ADGRL2: variants seen among roughly 807,000 people sequenced by gnomAD.
ADGRL2 encodes the protein calcium-independent alpha-latrotoxin receptor 2.
In ADGRL2, 44 loss-of-function variants were observed where a neutral mutation model predicts 157.4. The ratio of observed to expected loss-of-function variants is 0.28; its 90% CI spans 0.22 to 0.36. The LOEUF (loss-of-function observed/expected upper bound fraction) is 0.36. Ranked by LOEUF, ADGRL2 falls within the 10% of genes least tolerant of loss-of-function variation. The pLI, the probability that ADGRL2 is intolerant of heterozygous loss-of-function variation, is 1.00. For synonymous variants in ADGRL2, 585 were observed against 624.7 expected (o/e 0.94, Z 0.95); for missense variants, 1,510 against 1,768.9 (o/e 0.85, Z 2.63).
At chr1:81,415,481 A>C (rs2077016784) in intron 1 of ADGRL2, among the ~76,000 whole-genome samples, 1 of 152,210 alleles carries the variant, frequency 6.6e-6, no homozygotes, top group African/African-American at 2.4e-5. Context: ...ATAGTGGGGA[A>C]GAGAGGGGTC....
At chr1:81,334,172 T>C (rs566175220) in intron 1 of ADGRL2, among the ~76,000 whole-genome samples, 23 of 152,354 alleles carry the variant, frequency 1.5e-4, no homozygotes, top group African/African-American at 5.3e-4. Context: ...TGAAACCAGC[T>C]AGACTGTGTT....
At chr1:81,827,018 T>G (rs2150006516) in intron 1 of ADGRL2, among the ~76,000 whole-genome samples, 1 of 141,834 alleles carries the variant, frequency 7.1e-6, no homozygotes, top group South Asian at 2.4e-4. Context: ...AACAGTAGAC[T>G]TATGAAAAAT....
intron 1 of ADGRL2, among the ~76,000 whole-genome samples, chr1:81,399,188 G>C (rs1002971106): frequency 1.3e-5 from 2 of 152,108 alleles, no homozygotes; most frequent in Non-Finnish European, 2.9e-5. Flanking sequence ...GATCTCATGA[G>C]AACTTACTCA....
intron 4 of ADGRL2, among the ~76,000 whole-genome samples, 195 bp from the exon 5 acceptor site, chr1:81,941,839 T>C (rs544642031): frequency 6.6e-6 from 1 of 152,026 alleles, no homozygotes; most frequent in African/African-American, 2.4e-5. Flanking sequence ...TTCTTTTATG[T>C]AACTTTAGAA....
intron 2 of ADGRL2, among the ~76,000 whole-genome samples, chr1:81,858,345 A>G (rs2093275365): frequency 6.6e-6 from 1 of 152,198 alleles, no homozygotes; most frequent in Admixed American, 6.5e-5. Context: ...TGATTTATTC[A>G]TGAAGTCATT....
chr1:81,374,432 C>A (rs532532884), intron 1 of ADGRL2, among the ~76,000 whole-genome samples: 1 of 152,056 alleles, frequency 6.6e-6, no homozygotes, highest in Admixed American at 6.6e-5. Flanking sequence ...ATTAGCCGGA[C>A]GTGGTGGCGG....
At chr1:81,979,617 G>GT (rs1661097447) in intron 17 of ADGRL2, among the ~76,000 whole-genome samples, 1 of 145,196 alleles carries the variant, frequency 6.9e-6, no homozygotes, top group Admixed American at 7.1e-5. Flanking sequence ...ACTAATTTAG[G>GT]TTTTCTAATT....
intron 6 of ADGRL2, among the ~76,000 whole-genome samples, chr1:81,944,705 A>G (rs1010671128): frequency 4.6e-5 from 7 of 152,006 alleles, no homozygotes; most frequent in Admixed American, 6.6e-5. Context: ...AATTTTAGGA[A>G]CTAGAAAGTT....
At chr1:81,383,262 A>G (rs2076373978) in intron 1 of ADGRL2, among the ~76,000 whole-genome samples, 1 of 152,314 alleles carries the variant, frequency 6.6e-6, no homozygotes, top group South Asian at 2.1e-4. Flanking sequence ...TATAAAAGTG[A>G]TAGACCTGAG....
chr1:81,641,348 T>G (rs1166390531), intron 3 of ADGRL2, among the ~76,000 whole-genome samples: 1 of 152,194 alleles, frequency 6.6e-6, no homozygotes, highest in Non-Finnish European at 1.5e-5. Context: ...TAAGCTACTT[T>G]ATCCATCAAT....
At chr1:81,647,527 G>A (rs1026672568) in intron 3 of ADGRL2, among the ~76,000 whole-genome samples, 13 of 151,990 alleles carry the variant, frequency 8.6e-5, no homozygotes, top group African/African-American at 1.2e-4. Flanking sequence ...AATTACCTTC[G>A]GGTAATTTTA....
chr1:81,951,289 A>G (rs1651722152), intron 8 of ADGRL2, among the ~76,000 whole-genome samples, 168 bp downstream of exon 8: 3 of 152,180 alleles, frequency 2.0e-5, no homozygotes, highest in African/African-American at 4.8e-5. Flanking sequence ...TGAAAGTTAC[A>G]TATGTTTGGG....
rs1369418692 is a variant in ADGRL2 at position 81,990,563 on chromosome 1, A to G, written c.3828A>G (p.Glu1276=). Residue 1276 remains glutamate (E), a synonymous_variant, in exon 24 of 24, where the codon GAA becomes GAG. Coordinates refer to ENST00000686636, the MANE Select transcript of ADGRL2 (RefSeq NM_001366006.2). ...DTAFEKMIIS[E]LVHNNLRGSS... ...CTTTTGAGAAAATGATCATTTCAGA[A>G]TTAGTGCACAACAACTTACGGGGCA... 1 of 1,614,158 alleles carries G rather than the reference A, an allele frequency of 6.2e-7. No homozygotes were observed. The highest frequency in any genetic ancestry group is 8.5e-7 in the Non-Finnish European group (1 of 1,180,012).
Position 81,412,536 on chromosome 1 carries a change from A to G in ADGRL2, c.-301-32500A>G, listed in dbSNP as rs1470761617. 2.6e-5 allele frequency among the ~76,000 whole-genome samples: 4 copies of G among 152,208 alleles called. No homozygotes were observed. In the East Asian group the frequency reaches 7.7e-4, roughly 29 times the overall value. Reference sequence around the variant, plus strand: ...TATCATGTCATGTATCACATAGTGTAGTAATGATATATTTAACTTTCTCTC... The same window carrying G: ...TATCATGTCATGTATCACATAGTGTGGTAATGATATATTTAACTTTCTCTC... On this transcript the variant is annotated intron_variant, in intron 1 of 24. Coordinates refer to the ADGRL2 transcript ENST00000370721.
intron 6 of ADGRL2, among the ~76,000 whole-genome samples, chr1:81,944,721 G>C (rs1260406962): frequency 1.3e-5 from 2 of 151,812 alleles, no homozygotes; most frequent in Non-Finnish European, 2.9e-5. Flanking sequence ...AAGTTCTTTG[G>C]AGTGATTAAA....
At chr1:81,593,403 T>A (rs1255742131) in intron 3 of ADGRL2, among the ~76,000 whole-genome samples, 1 of 152,138 alleles carries the variant, frequency 6.6e-6, no homozygotes, top group Non-Finnish European at 1.5e-5. Flanking sequence ...AGTTTCCTAA[T>A]CTGTAAATTG....
In ADGRL2 at chr1:81,886,406, G is replaced by C. The variant is rs753477205; in HGVS notation, c.74-20611G>C. 2.0e-5 allele frequency among the ~76,000 whole-genome samples: 3 copies of C among 152,238 alleles called. No homozygotes were observed. In the South Asian group the frequency reaches 6.2e-4, roughly 32 times the overall value. On this transcript the variant is annotated intron_variant, in intron 2 of 23. Coordinates refer to ENST00000686636, the MANE Select transcript of ADGRL2 (RefSeq NM_001366006.2). ...AGGAAAGTTTCGATCTCCTGACCTCGTGATCTGCCCGTCTCGGCTTCCCAA... is the reference window on the plus strand; with the variant it reads ...AGGAAAGTTTCGATCTCCTGACCTCCTGATCTGCCCGTCTCGGCTTCCCAA...
At chr1:81,930,285 A>G (rs1264836593) in intron 3 of ADGRL2, among the ~76,000 whole-genome samples, 2 of 152,178 alleles carry the variant, frequency 1.3e-5, no homozygotes, top group African/African-American at 2.4e-5. Flanking sequence ...ATAAAAAGAT[A>G]ATCTTTCTTG....
At chr1:81,783,462 A>AT (rs1450967465) in intron 2 of ADGRL2, among the ~76,000 whole-genome samples, 9 of 150,754 alleles carry the variant, frequency 6.0e-5, no homozygotes, top group African/African-American at 1.7e-4. Context: ...CAATTTTTTT[A>AT]TTTTTTCTTT....
Sources: allele counts gnomAD v4.1 joint callset (sites outside exome capture counted in the v4.1 genomes callset), GRCh38; gene constraint gnomAD v4.1.1; transcripts MANE v1.5; gene names NCBI Gene and HGNC (gene_info 2026-07-23, HGNC 2026-07-21).